The following ZMYND11 variants were observed in gnomAD, a reference collection of about 807,000 sequenced individuals.
ZMYND11 encodes the protein zinc finger MYND domain-containing protein 11.
A neutral mutation model predicts 84.9 loss-of-function variants in ZMYND11; 9 were observed. That is an observed-to-expected ratio of 0.11 (90% CI 0.06 to 0.18). The LOEUF is 0.18. ZMYND11 is among the 10% of genes least tolerant of loss of function. The pLI is 1.00. For missense variants in ZMYND11, 409 were observed against 761.0 expected, an observed-to-expected ratio of 0.54 and a Z score of 5.44; for synonymous variants, 250 against 244.1, an observed-to-expected ratio of 1.02 and a Z score of -0.23.
upstream of ZMYND11, among the ~76,000 whole-genome samples, chr10:133,644 A>C (rs1213051999): frequency 6.6e-6 from 1 of 152,168 alleles, no homozygotes; most frequent in Admixed American, 6.5e-5. Flanking sequence ...GCAGTCCTCT[A>C]TTTTACAGAT....
chr10:252,572 C>T lies in ZMYND11; in HGVS notation c.*102C>T. On this transcript the variant is annotated 3_prime_UTR_variant, in exon 15 of 15. Transcript: ENST00000381604. This position sits in a 1 kb window ranked among gnomAD's most constrained non-coding sequence, Gnocchi z 4.6. Reference sequence around the variant, plus strand: ...TGTTTAGAATTTGCTTCCCATTTTGCACCAGCCTTTAAACACTTTTCGTGA... The same window carrying T: ...TGTTTAGAATTTGCTTCCCATTTTGTACCAGCCTTTAAACACTTTTCGTGA... The T allele has an allele frequency of 6.8e-7, 1 of 1,478,074 alleles. No individual in the cohort carries two copies. The allele number at this position is 1,478,074 out of a possible 1,614,324, so 91.6% of individuals were successfully genotyped here.
chr10:217,635 A>T (rs1946413724), intron 3 of ZMYND11, among the ~76,000 whole-genome samples: 1 of 152,162 alleles, frequency 6.6e-6, no homozygotes, highest in African/African-American at 2.4e-5. Flanking sequence ...TGACTTGGTC[A>T]GTTCCTGTTC....
upstream of ZMYND11, among the ~76,000 whole-genome samples, chr10:132,942 T>C (rs907764458): frequency 6.6e-6 from 1 of 152,210 alleles, no homozygotes; most frequent in Non-Finnish European, 1.5e-5. Context: ...TGTATTCAAT[T>C]GTATAAACAG....
intron 2 of ZMYND11, among the ~76,000 whole-genome samples, chr10:199,313 C>CCCTCCCTCCCTCTCTT (rs1942556814): frequency 5.0e-4 from 1 of 1,990 alleles, no homozygotes; most frequent in Non-Finnish European, 6.8e-3. Context: ...CTCTCTTCCT[C>CCCTCCCTCCCTCTCTT]CCTCCCTCCC....
At chr10:140,766 C>A (rs548546939) in intron 1 of ZMYND11, among the ~76,000 whole-genome samples, 1 of 152,172 alleles carries the variant, frequency 6.6e-6, no homozygotes, top group African/African-American at 2.4e-5. Context: ...AATACCCTTA[C>A]GTGCACATAC....
Position 252,740 on chromosome 10 carries a change from T to C in ZMYND11, c.*270T>C. The C allele has an allele frequency of 3.2e-6, 1 of 309,322 alleles. No individual in the cohort carries two copies. The highest frequency in any genetic ancestry group is 5.9e-6 in the Non-Finnish European group (1 of 168,448). The allele number at this position is 309,322 out of a possible 1,614,324, so 19.2% of individuals were successfully genotyped here. On this transcript the variant is annotated 3_prime_UTR_variant, in exon 15 of 15. Coordinates refer to ENST00000381604, the MANE Select transcript of ZMYND11 (RefSeq NM_001370100.5). The surrounding 1 kb of genome is among the most constrained non-coding windows in gnomAD (Gnocchi z 4.6). ...GCATTTTCAGCAAATTTTAAAACAT[T>C]TTTAGGTTTTACAGAGATTTTAACC...
intron 1 of ZMYND11, among the ~76,000 whole-genome samples, chr10:150,029 G>C (rs1839937733): frequency 6.6e-6 from 1 of 152,154 alleles, no homozygotes; most frequent in African/African-American, 2.4e-5. Context: ...TTTTATTGAG[G>C]ATTTTTGCAT....
At chr10:209,150 A>T (rs2131255683) in intron 2 of ZMYND11, among the ~76,000 whole-genome samples, 1 of 152,188 alleles carries the variant, frequency 6.6e-6, no homozygotes, top group East Asian at 1.9e-4. Flanking sequence ...AACAAAAAAG[A>T]TACAAAGCAA....
intron 10 of ZMYND11, among the ~76,000 whole-genome samples, chr10:242,988 T>G (rs1951346563): frequency 1.1e-5 from 1 of 91,750 alleles, no homozygotes; most frequent in African/African-American, 3.4e-5. Flanking sequence ...ATGAATGTTT[T>G]AATTACATTA....
chr10:204,192 G>C (rs988999900), intron 2 of ZMYND11, among the ~76,000 whole-genome samples: 1 of 151,982 alleles, frequency 6.6e-6, no homozygotes, highest in African/African-American at 2.4e-5. Flanking sequence ...CCTTTCCTAG[G>C]TTAGATAACC....
chr10:234,465 A>C (rs1476944815), intron 4 of ZMYND11, among the ~76,000 whole-genome samples: 3 of 152,264 alleles, frequency 2.0e-5, no homozygotes, highest in Non-Finnish European at 4.4e-5. Context: ...TCAGCGCTAC[A>C]TAACAGTGTT....
intron 10 of ZMYND11, chr10:244,712 T>C (rs1951765777): frequency 6.6e-6 from 1 of 152,272 alleles, no homozygotes. Flanking sequence ...CAGATTAGAC[T>C]ATTCCTCTTG....
At chr10:138,870 C>T (rs926466692) in intron 1 of ZMYND11, among the ~76,000 whole-genome samples, 7 of 152,074 alleles carry the variant, frequency 4.6e-5, no homozygotes, top group Non-Finnish European at 1.0e-4. Context: ...GAGACACTCA[C>T]TCTCGCTCTG....
At position 235,825 on chromosome 10, in the gene ZMYND11, TAATAA is replaced by T. The variant is rs1038300098; in HGVS notation, c.439-1009_439-1005del. On this transcript the variant is annotated intron_variant, in intron 4 of 14. Coordinates refer to ENST00000381604, the MANE Select transcript of ZMYND11 (RefSeq NM_001370100.5). ...AATGAAATTCAGTTTAGTTTCTCAC[TAATAA>T]AATGTGTTTCCACTTGTTATTTAGA... 3.3e-5 allele frequency among the ~76,000 whole-genome samples: 5 copies of T among 152,380 alleles called. No homozygotes were observed. In the East Asian group the frequency reaches 7.7e-4, roughly 23 times the overall value.
chr10:177,153 A>G (rs782311951), intron 1 of ZMYND11, among the ~76,000 whole-genome samples: 1 of 152,230 alleles, frequency 6.6e-6, no homozygotes, highest in East Asian at 1.9e-4. Flanking sequence ...TAACACGCAT[A>G]TATGAATTAT....
At chr10:157,606 A>G (rs1261272552) in intron 1 of ZMYND11, among the ~76,000 whole-genome samples, 2 of 152,200 alleles carry the variant, frequency 1.3e-5, no homozygotes, top group Admixed American at 6.5e-5. Flanking sequence ...AAGGGGCAAC[A>G]TGTTTAAAAA....
chr10:185,509 A>AAAAGG (rs1242947458), intron 2 of ZMYND11, among the ~76,000 whole-genome samples: 3 of 21,046 alleles, frequency 1.4e-4, no homozygotes, highest in Non-Finnish European at 3.1e-4. Context: ...AAAAAAAAAA[A>AAAAGG]GCGTGGTGGG....
intron 1 of ZMYND11, among the ~76,000 whole-genome samples, chr10:146,302 T>A (rs1191376616): frequency 6.6e-6 from 1 of 152,220 alleles, no homozygotes; most frequent in African/African-American, 2.4e-5. Context: ...AGTCAGGTAA[T>A]GTGATGCCTC....
At chr10:130,342 T>G (rs1331776107), upstream of ZMYND11, among the ~76,000 whole-genome samples, 1 of 152,166 alleles carries the variant, frequency 6.6e-6, no homozygotes, top group South Asian at 2.1e-4. Context: ...TCAGGTACAT[T>G]CTTGTGTCCT....
Sources: gnomAD v4.1 joint callset for allele counts (sites outside exome capture counted in the v4.1 genomes callset) on GRCh38, gnomAD v4.1.1 for gene constraint, Gnocchi (gnomAD v3.1) non-coding constraint, MANE v1.5 for transcripts, NCBI Gene and HGNC (gene_info 2026-07-23, HGNC 2026-07-21) for gene names.